ELAVL2: variants seen among roughly 807,000 people sequenced by gnomAD.
The protein encoded by ELAVL2 is ELAV-like protein 2.
In ELAVL2, 4 loss-of-function variants were observed where a neutral mutation model predicts 34.6. The observed-to-expected ratio is 0.12, with a 90% CI of 0.06 to 0.26. The LOEUF (loss-of-function observed/expected upper bound fraction) is 0.26. Ranked by LOEUF, ELAVL2 falls within the 10% of genes least tolerant of loss-of-function variation. ELAVL2 has a pLI of 1.00. For missense variants in ELAVL2, 432 were observed against 442.8 expected (o/e 0.98, Z 0.22); for synonymous variants, 193 against 154.8 (o/e 1.25, Z -1.83).
chr9:23,763,744 C>A lies in ELAVL2; in HGVS notation c.-15-1495G>T, dbSNP rs192311217. Among the ~76,000 whole-genome samples the A allele has an allele frequency of 1.1e-3, 174 of 152,208 alleles. 1 individual carries two copies. The highest frequency in any genetic ancestry group is 4.1e-3 in the African/African-American group (169 of 41,550). ...GTTGGACATATTGAGACTGGTCAGACTGAACAAGAATCAGTGCTGTCATGA... is the reference window on the plus strand; with the variant it reads ...GTTGGACATATTGAGACTGGTCAGAATGAACAAGAATCAGTGCTGTCATGA... On this transcript the variant is annotated intron_variant, in intron 1 of 6. Coordinates refer to ENST00000397312, the MANE Select transcript of ELAVL2 (RefSeq NM_004432.5).
rs79733040 is a variant in ELAVL2, at chr9:23,752,370, G to A, written c.229+9636C>T. The stretch of plus-strand genomic sequence containing the variant: ...TAGCAGGAGGAAGCAAAGGTATTTT[G>A]ATTCAAACTTAATCCCAAGAACTTG... On this transcript the variant is annotated intron_variant, in intron 2 of 6. Transcript: ENST00000397312. 9.4e-3 allele frequency among the ~76,000 whole-genome samples: 1,428 copies of A among 152,160 alleles called. 17 individuals carry two copies. Among genetic ancestry groups the A allele is most frequent in the African/African-American group, 0.032 (1,314 of 41,524 alleles).
At chr9:23,841,141 C>T in the ELAVL2 span, among the ~76,000 whole-genome samples, 1 of 152,006 alleles carries the variant, frequency 6.6e-6, no homozygotes, top group Non-Finnish European at 1.5e-5. Context: ...CCTAGTAGAT[C>T]TGGGGTATTA....
intron 1 of ELAVL2, among the ~76,000 whole-genome samples, chr9:23,763,267 AAAT>A (rs535728310): frequency 6.6e-6 from 1 of 152,120 alleles, no homozygotes; most frequent in African/African-American, 2.4e-5. Context: ...GCTACTCTAC[AAAT>A]CACTTATTAA....
intron 3 of ELAVL2, among the ~76,000 whole-genome samples, chr9:23,709,375 C>T (rs1398573243): frequency 6.6e-6 from 1 of 152,110 alleles, no homozygotes; most frequent in African/African-American, 2.4e-5. Flanking sequence ...TACCTAAGGA[C>T]TCACACTCTG....
intron 3 of ELAVL2, among the ~76,000 whole-genome samples, chr9:23,717,544 G>T (rs74993020): frequency 6.6e-6 from 1 of 152,126 alleles, no homozygotes; most frequent in Non-Finnish European, 1.5e-5. Context: ...TACACATCAC[G>T]TGAAGGCCTC....
At chr9:23,710,009 G>A (rs901913333) in intron 3 of ELAVL2, among the ~76,000 whole-genome samples, 2 of 152,160 alleles carry the variant, frequency 1.3e-5, no homozygotes. Flanking sequence ...TATGAGGGAA[G>A]GGGAGGGACG....
intron 1 of ELAVL2, among the ~76,000 whole-genome samples, chr9:23,821,000 C>T (rs1487351530): frequency 1.3e-5 from 2 of 152,216 alleles, no homozygotes; most frequent in African/African-American, 4.8e-5. Flanking sequence ...ACCACCTCCG[C>T]ACACAACGCG....
intron 5 of ELAVL2, among the ~76,000 whole-genome samples, chr9:23,695,181 C>A (rs7859819): frequency 6.6e-6 from 1 of 151,924 alleles, no homozygotes; most frequent in Non-Finnish European, 1.5e-5. Context: ...CATATTAGCA[C>A]CACCAATCAT....
intron 3 of ELAVL2, among the ~76,000 whole-genome samples, chr9:23,718,570 C>T (rs185932287): frequency 2.0e-5 from 3 of 152,072 alleles, no homozygotes; most frequent in Admixed American, 1.3e-4. Flanking sequence ...GTGTAAGGCA[C>T]GTATGATAAA....
chr9:23,762,300 TAG>T, intron 1 of ELAVL2, 51 bp from the exon 2 acceptor site: 1 of 1,581,294 alleles, frequency 6.3e-7, no homozygotes, highest in South Asian at 1.2e-5. Flanking sequence ...CACAACCTAT[TAG>T]AGACTCCATC....
At chr9:23,837,604 G>A in the ELAVL2 span, among the ~76,000 whole-genome samples, 13 of 152,200 alleles carry the variant, frequency 8.5e-5, no homozygotes, top group East Asian at 2.1e-3. Flanking sequence ...CTGGGATTTC[G>A]CCCTAAATAG....
At chr9:23,842,131 T>C in the ELAVL2 span, among the ~76,000 whole-genome samples, 1 of 152,158 alleles carries the variant, frequency 6.6e-6, no homozygotes, top group Non-Finnish European at 1.5e-5. Context: ...CTTAGACAAT[T>C]GGTTTCCAAA....
rs139493020 is a variant in ELAVL2, at chr9:23,751,298, T to C, written c.229+10708A>G. ...CTCTAATTCACAATATGCATAAGGA[T>C]TTAACAAAAAAGGAAAACAAGATGT... On this transcript the variant is annotated intron_variant, in intron 2 of 6. Transcript: ENST00000397312. Among the ~76,000 whole-genome samples, 1,327 of 152,208 alleles carry C rather than the reference T, an allele frequency of 8.7e-3. 8 individuals carry two copies. The highest frequency in any genetic ancestry group is 0.02 in the Middle Eastern group (6 of 294).
chr9:23,701,386 G>C lies in ELAVL2; in HGVS notation c.706C>G (p.Arg236Gly). The C allele has an allele frequency of 6.2e-7, 1 of 1,614,024 alleles. No homozygotes were observed. The highest frequency in any genetic ancestry group is 8.5e-7 in the Non-Finnish European group (1 of 1,179,930). ...YPGPLAQQAQRFRLDNLLNMA... is the reference protein window; with the variant it reads ...YPGPLAQQAQGFRLDNLLNMA... ...GAACCAAACCAGACTTACCTAAAAC[G>C]CTGTGCCTGCTGAGCTAGCGGTCCT... Residue 236 changes from arginine to glycine, a missense_variant, in exon 5 of 7, where the codon CGT becomes GGT. Around this residue, in one of 3 missense-constraint regions of ELAVL2, gnomAD observed 295 missense variants for 306.1 expected, o/e 0.96. Transcript: ENST00000397312.
chr9:23,697,671 A>C (rs1282619703), intron 5 of ELAVL2, among the ~76,000 whole-genome samples: 1 of 152,138 alleles, frequency 6.6e-6, no homozygotes, highest in Non-Finnish European at 1.5e-5. Flanking sequence ...GATCATTCCT[A>C]TTTTAAAGCT....
chr9:23,794,058 A>G (rs2060627130), intron 1 of ELAVL2, among the ~76,000 whole-genome samples: 1 of 152,238 alleles, frequency 6.6e-6, no homozygotes, highest in African/African-American at 2.4e-5. Context: ...AAATTCTAGA[A>G]GAGCTTTAGT....
At chr9:23,776,207 C>A (rs1429685705) in intron 1 of ELAVL2, among the ~76,000 whole-genome samples, 2 of 152,178 alleles carry the variant, frequency 1.3e-5, no homozygotes, top group African/African-American at 4.8e-5. Context: ...TCAAGTCCTA[C>A]CACTAACACA....
intron 2 of ELAVL2, among the ~76,000 whole-genome samples, chr9:23,759,164 A>C (rs1393642930): frequency 6.6e-6 from 1 of 152,080 alleles, no homozygotes; most frequent in Non-Finnish European, 1.5e-5. Context: ...TATGGACTCA[A>C]CCCAAATGTC....
chr9:23,820,083 A>G (rs910742978), intron 1 of ELAVL2, among the ~76,000 whole-genome samples: 4 of 152,298 alleles, frequency 2.6e-5, no homozygotes, highest in Non-Finnish European at 5.9e-5. Context: ...CCCGCTCACC[A>G]AAATGGAAAC....
Sources: gnomAD v4.1 joint callset for allele counts (sites outside exome capture counted in the v4.1 genomes callset) on GRCh38, gnomAD v4.1.1 for gene constraint, gnomAD v4.1.1 regional missense constraint, MANE v1.5 for transcripts, NCBI Gene and HGNC (gene_info 2026-07-23, HGNC 2026-07-21) for gene names.